The following SCN3B variants were observed in gnomAD, a reference collection of about 807,000 sequenced individuals.
SCN3B encodes sodium voltage-gated channel beta subunit 3.
In SCN3B, 11 loss-of-function variants were observed where a neutral mutation model predicts 25.4. That is an observed-to-expected ratio of 0.43 (90% CI 0.27 to 0.72). SCN3B has a LOEUF of 0.72. SCN3B is among the 30% of genes least tolerant of loss of function. SCN3B has a pLI of 0.18. For missense variants in SCN3B, 218 were observed against 278.3 expected, an observed-to-expected ratio of 0.78 and a Z score of 1.54; for synonymous variants, 109 against 110.7, an observed-to-expected ratio of 0.99 and a Z score of 0.09.
chr11:123,650,467 T>G (rs1020183065), intron 2 of SCN3B, among the ~76,000 whole-genome samples: 6 of 152,168 alleles, frequency 3.9e-5, no homozygotes, highest in African/African-American at 1.4e-4. Flanking sequence ...GTTCTGTCAA[T>G]TTAGCTGGTC....
chr11:123,648,267 G>T (rs1955877802), intron 2 of SCN3B, among the ~76,000 whole-genome samples: 1 of 152,224 alleles, frequency 6.6e-6, no homozygotes, highest in Admixed American at 6.5e-5. Context: ...TCTGGCAACT[G>T]AAGAGTTGGG....
At chr11:123,635,568 C>T (rs1286340067) in intron 5 of SCN3B, among the ~76,000 whole-genome samples, 2 of 151,950 alleles carry the variant, frequency 1.3e-5, no homozygotes, top group Non-Finnish European at 2.9e-5. Flanking sequence ...TGCCTGTAGT[C>T]CCAGCTACTC....
rs1439214543 is a variant in SCN3B, at chr11:123,642,079, A to G, written c.445+367T>C. Among the ~76,000 whole-genome samples, 2 of 152,224 alleles carry G rather than the reference A, an allele frequency of 1.3e-5. No homozygotes were observed. The highest frequency in any genetic ancestry group is 1.9e-4 in the East Asian group (1 of 5,192). On this transcript the variant is annotated intron_variant, in intron 4 of 6. Coordinates refer to ENST00000299333, the MANE Select transcript of SCN3B (RefSeq NM_001040151.2). This position sits in a 1 kb window ranked among gnomAD's most constrained non-coding sequence, Gnocchi z 4.3. Reference sequence around the variant, plus strand: ...GGAGAGATGACTTCCGGGTAACCTCATGAGATTTCTCTGAGCCCACTGAGT... The same window carrying G: ...GGAGAGATGACTTCCGGGTAACCTCGTGAGATTTCTCTGAGCCCACTGAGT...
intron 5 of SCN3B, among the ~76,000 whole-genome samples, chr11:123,634,427 A>G (rs1247226878): frequency 6.6e-6 from 1 of 152,214 alleles, no homozygotes; most frequent in African/African-American, 2.4e-5. Context: ...CTTCTCATTT[A>G]TCCAGGTTGT....
At position 123,642,127 on chromosome 11, in the gene SCN3B, G is replaced by A. The variant is rs1159351820; in HGVS notation, c.445+319C>T. On this transcript the variant is annotated intron_variant, in intron 4 of 6. Coordinates refer to ENST00000299333, the MANE Select transcript of SCN3B (RefSeq NM_001040151.2). This position sits in a 1 kb window ranked among gnomAD's most constrained non-coding sequence, Gnocchi z 4.3. ...AGTCAGGGATTCAACATAGGCCAAAGAAGAAGGCCTAGCTGAATCAGTAGC... is the reference window on the plus strand; with the variant it reads ...AGTCAGGGATTCAACATAGGCCAAAAAAGAAGGCCTAGCTGAATCAGTAGC... Among the ~76,000 whole-genome samples, 2 of 152,210 alleles carry A rather than the reference G, an allele frequency of 1.3e-5. No homozygotes were observed. The highest frequency in any genetic ancestry group is 2.9e-5 in the Non-Finnish European group (2 of 68,038).
At chr11:123,652,734 A>C (rs1459566870) in intron 2 of SCN3B, among the ~76,000 whole-genome samples, 1 of 152,228 alleles carries the variant, frequency 6.6e-6, no homozygotes, top group Non-Finnish European at 1.5e-5. Context: ...CTAATCATAG[A>C]CACCAAGGCA....
rs755281336 is a variant in SCN3B at position 123,638,168 on chromosome 11, T to C, written c.584+18A>G. 5 of 1,613,864 alleles carry C rather than the reference T, an allele frequency of 3.1e-6. No homozygotes were observed. Among genetic ancestry groups the C allele is most frequent in the Non-Finnish European group, 4.2e-6 (5 of 1,179,986 alleles). On this transcript the variant is annotated intron_variant, in intron 5 of 6. Coordinates refer to ENST00000299333, the MANE Select transcript of SCN3B (RefSeq NM_001040151.2). ...AAGGTGCTAGCTTTCATTATTACTT[T>C]GGCATCTCTGGACTTACGCGTTTTC...
In SCN3B at chr11:123,646,223, A is replaced by G. The variant is rs183929236; in HGVS notation, c.56-473T>C. On this transcript the variant is annotated intron_variant, in intron 2 of 6. Transcript: ENST00000299333. ...AAATGCATTTATAATCCAATAGGGA[A>G]CACATATTCCTAACTAGGATTAAAC... Among the ~76,000 whole-genome samples, 293 of 152,342 alleles carry G rather than the reference A, an allele frequency of 1.9e-3. 6 individuals carry two copies. Among genetic ancestry groups the G allele is most frequent in the Admixed American group, 9.0e-3 (137 of 15,300 alleles).
intron 2 of SCN3B, among the ~76,000 whole-genome samples, chr11:123,650,302 C>A (rs1955909148): frequency 6.6e-6 from 1 of 152,182 alleles, no homozygotes; most frequent in East Asian, 1.9e-4. Flanking sequence ...AAATCTTTCT[C>A]TTCTTTGGAC....
At chr11:123,651,232 C>G (rs966772614) in intron 2 of SCN3B, among the ~76,000 whole-genome samples, 2 of 151,792 alleles carry the variant, frequency 1.3e-5, no homozygotes, top group African/African-American at 4.8e-5. Flanking sequence ...AATGGAAAGA[C>G]TCTTTCCCTT....
At chr11:123,644,766 TGAGAGAGAGAGA>T (rs371690210) in intron 3 of SCN3B, among the ~76,000 whole-genome samples, 14 of 94,660 alleles carry the variant, frequency 1.5e-4, no homozygotes, top group African/African-American at 3.7e-4. Context: ...GAGACCCCGT[TGAGAGAGAGAGA>T]GAGAGAGAGA....
intron 2 of SCN3B, among the ~76,000 whole-genome samples, chr11:123,648,565 C>T (rs1039179584): frequency 6.6e-6 from 1 of 152,076 alleles, no homozygotes; most frequent in African/African-American, 2.4e-5. Flanking sequence ...AGAGGGAAAA[C>T]AGCAACATTA....
chr11:123,646,599 G>A (rs186978110), intron 2 of SCN3B, among the ~76,000 whole-genome samples: 5 of 152,288 alleles, frequency 3.3e-5, no homozygotes, highest in East Asian at 1.9e-4. Flanking sequence ...AATCTGGAGC[G>A]GGGTCAGATT....
rs530919765 is a variant in SCN3B at position 123,641,905 on chromosome 11, C to T, written c.445+541G>A. Among the ~76,000 whole-genome samples the T allele has an allele frequency of 8.5e-5, 13 of 152,174 alleles. No homozygotes were observed. In the East Asian group the frequency reaches 1.5e-3, roughly 18 times the overall value. On this transcript the variant is annotated intron_variant, in intron 4 of 6. Transcript: ENST00000299333. ...GTGTGGTCCCAGCAGCAGCACTGCCCGCCAGGCAGTGTGTCACGCAGTGCA... is the reference window on the plus strand; with the variant it reads ...GTGTGGTCCCAGCAGCAGCACTGCCTGCCAGGCAGTGTGTCACGCAGTGCA...
chr11:123,646,268 C>T (rs1336059981), intron 2 of SCN3B, among the ~76,000 whole-genome samples: 1 of 152,210 alleles, frequency 6.6e-6, no homozygotes, highest in African/African-American at 2.4e-5. Flanking sequence ...GCAAGTAACA[C>T]ACTCATGATA....
intron 2 of SCN3B, among the ~76,000 whole-genome samples, chr11:123,651,977 T>TTA (rs1955930140): frequency 1.3e-5 from 2 of 152,178 alleles, no homozygotes; most frequent in South Asian, 4.1e-4. Flanking sequence ...TTTAAGGTTG[T>TTA]TATATAGTAA....
chr11:123,638,851 A>T, intron 4 of SCN3B: 1 of 189,234 alleles, frequency 5.3e-6, no homozygotes, highest in Non-Finnish European at 1.1e-5. Flanking sequence ...GCGTTGGAAA[A>T]CTCATTCAGG....
chr11:123,651,983 A>G (rs543607511), intron 2 of SCN3B, among the ~76,000 whole-genome samples: 66 of 152,248 alleles, frequency 4.3e-4, no homozygotes, highest in Non-Finnish European at 6.8e-4. Flanking sequence ...GTTGTTATAT[A>G]GTAAGCTAGT....
chr11:123,651,329 A>C (rs948621957), intron 2 of SCN3B, among the ~76,000 whole-genome samples: 2 of 152,058 alleles, frequency 1.3e-5, no homozygotes, highest in African/African-American at 2.4e-5. Flanking sequence ...AATTGCATGC[A>C]AATCAAATGA....
Sources: gnomAD v4.1 joint callset for allele counts (sites outside exome capture counted in the v4.1 genomes callset) on GRCh38, gnomAD v4.1.1 for gene constraint, Gnocchi (gnomAD v3.1) non-coding constraint, MANE v1.5 for transcripts, NCBI Gene and HGNC (gene_info 2026-07-23, HGNC 2026-07-21) for gene names.